Variants in USH2A observed in about 807,000 individuals in gnomAD.
USH2A encodes the protein Usher syndrome 2A (autosomal recessive, mild).
USH2A carries 443 observed loss-of-function variants against 538.9 expected under a neutral mutation model. The observed-to-expected ratio is 0.82, with a 90% CI of 0.76 to 0.89. USH2A has a LOEUF of 0.89. Ranked by LOEUF, USH2A falls within the 40% of genes least tolerant of loss-of-function variation. USH2A has a pLI of 0.00. For synonymous variants in USH2A, 2,413 were observed against 2,273.5 expected (o/e 1.06, Z -1.75); for missense variants, 6,633 against 6,324.8 (o/e 1.05, Z -1.65).
At chr1:215,693,114 G>A (rs865804926) in intron 61 of USH2A, among the ~76,000 whole-genome samples, 4 of 71,884 alleles carry the variant, frequency 5.6e-5, no homozygotes, top group South Asian at 2.4e-3. Flanking sequence ...GTGTGTGTAT[G>A]TGTATATATA....
intron 61 of USH2A, among the ~76,000 whole-genome samples, chr1:215,704,960 G>A (rs1448448578): frequency 2.0e-5 from 3 of 152,126 alleles, no homozygotes; most frequent in Non-Finnish European, 4.4e-5. Context: ...TACAAAATAT[G>A]TTTGGCACCA....
chr1:215,963,811 C>CT (rs1667262564), intron 37 of USH2A, among the ~76,000 whole-genome samples: 1 of 152,094 alleles, frequency 6.6e-6, no homozygotes, highest in Non-Finnish European at 1.5e-5. Context: ...TACTGCAATA[C>CT]TAACATGTAG....
At chr1:215,801,458 A>G (rs1662331526) in intron 49 of USH2A, among the ~76,000 whole-genome samples, 3 of 151,908 alleles carry the variant, frequency 2.0e-5, no homozygotes, top group Admixed American at 2.0e-4. Context: ...ATACAAAGTC[A>G]GCATAGAAAA....
intron 40 of USH2A, 141 bp downstream of exon 40, chr1:215,899,934 C>T (rs1665444917): frequency 1.6e-6 from 2 of 1,235,556 alleles, no homozygotes; most frequent in Non-Finnish European, 2.3e-6. Flanking sequence ...CCTTTGCTCA[C>T]TCTCTTGCCC....
intron 60 of USH2A, among the ~76,000 whole-genome samples, chr1:215,735,610 G>A: frequency 6.6e-6 from 1 of 152,134 alleles, no homozygotes; most frequent in Admixed American, 6.5e-5. Context: ...AAAAGCAGAA[G>A]TATTTAAAAG....
At chr1:215,970,185 G>A (rs892294528) in intron 36 of USH2A, among the ~76,000 whole-genome samples, 38 of 152,226 alleles carry the variant, frequency 2.5e-4, no homozygotes, top group African/African-American at 9.1e-4. Flanking sequence ...TAACAGATGA[G>A]GTAAACTCAA....
chr1:216,363,479 A>G (rs970212868), intron 4 of USH2A, among the ~76,000 whole-genome samples: 1 of 152,130 alleles, frequency 6.6e-6, no homozygotes, highest in Non-Finnish European at 1.5e-5. Flanking sequence ...GGCACCAAAT[A>G]GGATATTAAG....
intron 16 of USH2A, among the ~76,000 whole-genome samples, chr1:216,200,966 TC>T (rs1406811949): frequency 3.9e-5 from 1 of 25,470 alleles, no homozygotes; most frequent in South Asian, 1.9e-3. Flanking sequence ...CCCCTTCCCC[TC>T]CCCCCATCCA....
intron 37 of USH2A, among the ~76,000 whole-genome samples, chr1:215,937,290 T>C (rs1666527300): frequency 6.6e-6 from 1 of 152,184 alleles, no homozygotes; most frequent in African/African-American, 2.4e-5. Flanking sequence ...GTAATACTTA[T>C]TAGCAAGACA....
At chr1:215,770,308 T>C (rs1310129477) in intron 55 of USH2A, among the ~76,000 whole-genome samples, 1 of 152,154 alleles carries the variant, frequency 6.6e-6, no homozygotes, top group Non-Finnish European at 1.5e-5. Flanking sequence ...TTAAGCAGCA[T>C]TTAGAAGACA....
At chr1:216,104,105 T>A (rs151263310) in intron 21 of USH2A, among the ~76,000 whole-genome samples, 3,742 of 152,194 alleles carry the variant, frequency 0.025, 169 homozygotes, top group African/African-American at 0.083. Flanking sequence ...TTAGGGTACA[T>A]GTGCACAACG....
At chr1:216,284,461 T>C (rs2036843968) in intron 11 of USH2A, among the ~76,000 whole-genome samples, 1 of 152,166 alleles carries the variant, frequency 6.6e-6, no homozygotes, top group Admixed American at 6.5e-5. Context: ...TGATTGTAAG[T>C]TTACTGAGGC....
chr1:216,325,270 A>G, intron 6 of USH2A, 35 bp downstream of exon 6: 1 of 1,610,536 alleles, frequency 6.2e-7, no homozygotes, highest in African/African-American at 1.3e-5. Context: ...CAATAACCAC[A>G]GGAAATTAAT....
chr1:216,091,301 T>A (rs1428871308), intron 22 of USH2A, among the ~76,000 whole-genome samples: 1 of 152,182 alleles, frequency 6.6e-6, no homozygotes, highest in Non-Finnish European at 1.5e-5. Context: ...GAATATGATG[T>A]GAATTTCCTG....
At chr1:216,160,745 TG>T (rs1457288390) in intron 21 of USH2A, among the ~76,000 whole-genome samples, 2 of 149,418 alleles carry the variant, frequency 1.3e-5, no homozygotes, top group African/African-American at 5.1e-5. Context: ...AAATGTCACA[TG>T]TTTTATATAC....
chr1:216,077,978 T>C, intron 27 of USH2A, 111 bp downstream of exon 27: 1 of 1,322,418 alleles, frequency 7.6e-7, no homozygotes, highest in South Asian at 1.2e-5. Context: ...GAGATGCTGT[T>C]GGGTGCTGCT....
intron 56 of USH2A, among the ~76,000 whole-genome samples, chr1:215,764,672 G>T (rs971440404): frequency 1.1e-4 from 17 of 151,982 alleles, no homozygotes; most frequent in Admixed American, 3.3e-4. Flanking sequence ...TCAAATATGA[G>T]ATCTTCAAAT....
chr1:215,719,520 C>T (rs1028468856), intron 61 of USH2A, among the ~76,000 whole-genome samples: 3 of 152,062 alleles, frequency 2.0e-5, no homozygotes, highest in African/African-American at 7.2e-5. Flanking sequence ...AGGTGAGGAA[C>T]ACTTAAAATG....
chr1:216,040,001 GC>G (rs1291227708), intron 32 of USH2A, among the ~76,000 whole-genome samples: 1 of 150,006 alleles, frequency 6.7e-6, no homozygotes, highest in Non-Finnish European at 1.5e-5. Flanking sequence ...CTTTCCCCCT[GC>G]CCACATCTGC....
Sources: allele counts gnomAD v4.1 joint callset (sites outside exome capture counted in the v4.1 genomes callset), GRCh38; gene constraint gnomAD v4.1.1; transcripts MANE v1.5; gene names NCBI Gene and HGNC (gene_info 2026-07-23, HGNC 2026-07-21).